The following DDAH1 variants were observed in gnomAD, a reference collection of about 807,000 sequenced individuals.
DDAH1 encodes N(G),N(G)-dimethylarginine dimethylaminohydrolase 1.
Under a neutral mutation model 28.8 loss-of-function variants are expected in DDAH1, and 19 were observed. That is an observed-to-expected ratio of 0.66 (90% CI 0.46 to 0.97). DDAH1 has a LOEUF of 0.97. DDAH1 is among the 50% of genes least tolerant of loss of function. The pLI, the probability that DDAH1 is intolerant of heterozygous loss-of-function variation, is 0.00. For missense variants in DDAH1, 326 were observed against 375.9 expected (o/e 0.87, Z 1.10); for synonymous variants, 153 against 154.4 (o/e 0.99, Z 0.07).
At chr1:85,402,350 C>T (rs1488132842) in intron 1 of DDAH1, among the ~76,000 whole-genome samples, 1 of 151,978 alleles carries the variant, frequency 6.6e-6, no homozygotes, top group East Asian at 1.9e-4. Flanking sequence ...TTTCTTCTAG[C>T]CAGGGTCTAA....
chr1:85,443,035 A>T (rs1458896034), intron 1 of DDAH1, among the ~76,000 whole-genome samples: 1 of 152,080 alleles, frequency 6.6e-6, no homozygotes, highest in Non-Finnish European at 1.5e-5. Context: ...GTTTAATTAG[A>T]TCCCATTTGT....
intron 1 of DDAH1, among the ~76,000 whole-genome samples, chr1:85,362,959 C>CA (rs1212527976): frequency 6.6e-6 from 1 of 151,992 alleles, no homozygotes; most frequent in African/African-American, 2.4e-5. Context: ...AAAGAACTCC[C>CA]AAAAAACCCA....
chr1:85,535,146 C>T (rs1262731101), intron 1 of DDAH1, among the ~76,000 whole-genome samples: 3 of 152,074 alleles, frequency 2.0e-5, no homozygotes, highest in Admixed American at 6.6e-5. Flanking sequence ...TAATTCAAAT[C>T]CTTGGTTTAC....
chr1:85,549,260 T>C (rs1237873873), intron 1 of DDAH1, among the ~76,000 whole-genome samples: 2 of 152,230 alleles, frequency 1.3e-5, no homozygotes, highest in Admixed American at 6.5e-5. Context: ...CCACTCTAAA[T>C]GTTATGTCCT....
At chr1:85,443,724 C>T (rs1429177896) in intron 1 of DDAH1, among the ~76,000 whole-genome samples, 2 of 152,148 alleles carry the variant, frequency 1.3e-5, no homozygotes, top group Admixed American at 6.6e-5. Flanking sequence ...TGAAGAGGTC[C>T]TTCACATCCC....
At chr1:85,546,250 T>C (rs1307336594) in intron 1 of DDAH1, among the ~76,000 whole-genome samples, 1 of 152,108 alleles carries the variant, frequency 6.6e-6, no homozygotes, top group African/African-American at 2.4e-5. Flanking sequence ...TTAATGCCGT[T>C]TTCTCAGGAG....
intron 2 of DDAH1, among the ~76,000 whole-genome samples, chr1:85,476,180 G>T (rs184879035): frequency 2.0e-5 from 3 of 152,212 alleles, no homozygotes; most frequent in African/African-American, 7.2e-5. Context: ...GTTGTTACAC[G>T]CTTCTTTATT....
At chr1:85,421,903 T>C (rs1653156132) in intron 1 of DDAH1, among the ~76,000 whole-genome samples, 1 of 152,230 alleles carries the variant, frequency 6.6e-6, no homozygotes. Flanking sequence ...AACATTCACA[T>C]GCAGGTTTTT....
chr1:85,527,697 C>T (rs554889560), intron 1 of DDAH1, among the ~76,000 whole-genome samples: 1 of 152,166 alleles, frequency 6.6e-6, no homozygotes, highest in East Asian at 1.9e-4. Flanking sequence ...AAAAGCAACT[C>T]CCTGCAATTT....
intron 4 of DDAH1, among the ~76,000 whole-genome samples, chr1:85,340,078 G>C (rs895660286): frequency 4.6e-5 from 7 of 152,290 alleles, no homozygotes; most frequent in African/African-American, 1.7e-4. Flanking sequence ...GGTGGGCCTT[G>C]AGAGAGAGTA....
At chr1:85,575,237 AC>A (rs1262510398) in intron 1 of DDAH1, among the ~76,000 whole-genome samples, 18 of 151,742 alleles carry the variant, frequency 1.2e-4, no homozygotes, top group Admixed American at 5.2e-4. Context: ...TTACAAAAAA[AC>A]AAAACAAAAC....
intron 1 of DDAH1, among the ~76,000 whole-genome samples, chr1:85,405,508 C>A (rs1652361818): frequency 6.6e-6 from 1 of 152,100 alleles, no homozygotes; most frequent in Non-Finnish European, 1.5e-5. Flanking sequence ...TTTCTGTAAG[C>A]TTAAAGTCTT....
At chr1:85,324,230 G>A (rs233121) in intron 5 of DDAH1, among the ~76,000 whole-genome samples, 51,783 of 149,950 alleles carry the variant, frequency 0.35, 9,079 homozygotes, top group South Asian at 0.4. Context: ...AGATCGTGCC[G>A]CAGCACTCCA....
chr1:85,328,468 C>A (rs1647549835), intron 4 of DDAH1, among the ~76,000 whole-genome samples: 1 of 149,874 alleles, frequency 6.7e-6, no homozygotes, highest in Non-Finnish European at 1.5e-5. Context: ...GTCAGTCTCA[C>A]AAACGTGCTT....
intron 2 of DDAH1, among the ~76,000 whole-genome samples, chr1:85,491,240 G>T (rs1332198812): frequency 1.3e-5 from 2 of 151,830 alleles, no homozygotes; most frequent in Non-Finnish European, 2.9e-5. Flanking sequence ...GTAGAGATGA[G>T]GTTTCACTAA....
chr1:85,340,217 G>A (rs1356222825), intron 4 of DDAH1, among the ~76,000 whole-genome samples: 3 of 152,150 alleles, frequency 2.0e-5, no homozygotes, highest in African/African-American at 7.2e-5. Flanking sequence ...CTTAGGCATC[G>A]GATGCCTACC....
chr1:85,321,028 G>C lies in DDAH1; in HGVS notation c.*424C>G, dbSNP rs1473434025. 1 of 150,694 alleles carries C rather than the reference G, an allele frequency of 6.6e-6. No individual in the cohort carries two copies. Among genetic ancestry groups the C allele is most frequent in the Admixed American group, 6.7e-5 (1 of 14,958 alleles). The allele number at this position is 150,694 out of a possible 1,614,324, so 9.3% of individuals were successfully genotyped here. On this transcript the variant is annotated 3_prime_UTR_variant, in exon 6 of 6. Transcript: ENST00000284031. ...TAAAAGAGAAAGGAGGAGGATCCCTGGACCAGGGACTTTCACAGGAACCAA... is the reference window on the plus strand; with the variant it reads ...TAAAAGAGAAAGGAGGAGGATCCCTCGACCAGGGACTTTCACAGGAACCAA...
chr1:85,408,889 GGAGTAGA>G (rs1009452251), intron 1 of DDAH1, among the ~76,000 whole-genome samples: 41 of 152,202 alleles, frequency 2.7e-4, no homozygotes, highest in African/African-American at 8.2e-4. Flanking sequence ...TTGGAGCAGA[GGAGTAGA>G]GAGCTTTATG....
At chr1:85,321,701 C>T in intron 5 of DDAH1, 133 bp from the exon 6 acceptor site, 1 of 705,146 alleles carries the variant, frequency 1.4e-6, no homozygotes, top group South Asian at 1.7e-5. Flanking sequence ...CAGTCTCAAC[C>T]ACACACATGC....
Sources: gnomAD v4.1 joint callset for allele counts (sites outside exome capture counted in the v4.1 genomes callset) on GRCh38, gnomAD v4.1.1 for gene constraint, MANE v1.5 for transcripts, NCBI Gene and HGNC (gene_info 2026-07-23, HGNC 2026-07-21) for gene names.